The following MIIP variants were observed in gnomAD, a reference collection of about 807,000 sequenced individuals.
MIIP encodes migration and invasion inhibitory protein.
Under a neutral mutation model 44.8 loss-of-function variants are expected in MIIP, and 44 were observed. The ratio of observed to expected loss-of-function variants is 0.98; its 90% CI spans 0.77 to 1.26. MIIP has a LOEUF of 1.26. Ranked by LOEUF, MIIP falls within the 50% of genes most tolerant of loss-of-function variation. The probability of loss-of-function intolerance (pLI) is 0.00; values close to 1 mark genes in which losing one functional copy is unlikely to be tolerated. For missense variants in MIIP, 496 were observed against 511.7 expected, an observed-to-expected ratio of 0.97 and a Z score of 0.30; for synonymous variants, 225 against 218.3, an observed-to-expected ratio of 1.03 and a Z score of -0.27.
intron 4 of MIIP, among the ~76,000 whole-genome samples, chr1:12,026,737 A>G (rs543821354): frequency 1.3e-5 from 2 of 152,314 alleles, no homozygotes; most frequent in South Asian, 2.1e-4. Context: ...TTTGCCCTTC[A>G]TGATAAGCTT....
chr1:12,028,704 T>G (rs1640156458), intron 4 of MIIP: 1 of 237,800 alleles, frequency 4.2e-6, no homozygotes, highest in African/African-American at 2.2e-5. Flanking sequence ...CTAGTTCATC[T>G]CTTGCCACCT....
rs894936562 is a variant in MIIP, at chr1:12,029,640, T to C, written c.716-125T>C. ...TGGGAGGAAAGGGGTTAGGAGGAAA[T>C]GGGCCGAAGGGCTTCCCAGAGGGAT... On this transcript the variant is annotated intron_variant, in intron 6 of 9. Transcript: ENST00000235332. 2.9e-6 allele frequency: 4 copies of C among 1,359,394 alleles called. No individual in the cohort carries two copies. In the African/African-American group the frequency reaches 5.8e-5, roughly 20 times the overall value. 84.2% of individuals were successfully genotyped at this position (1,359,394 alleles called of 1,614,324 possible).
chr1:12,022,244 C>G lies in MIIP; in HGVS notation c.264C>G (p.Ala88=). 6.2e-7 allele frequency: 1 copy of G among 1,613,266 alleles called. No homozygotes were observed. Among genetic ancestry groups the G allele is most frequent in the Non-Finnish European group, 8.5e-7 (1 of 1,179,664 alleles). The part of the protein sequence containing the change: ...DACRGDLRDV[A]RSGVASLPPA... The stretch of plus-strand genomic sequence containing the variant: ...GTCGAGGGGACCTCCGTGATGTGGC[C>G]AGATCGGGGGTGGCCTCTCTCCCAC... Residue 88 remains alanine (A), a synonymous_variant, in exon 3 of 10, where the codon GCC becomes GCG. Coordinates refer to ENST00000235332, the MANE Select transcript of MIIP (RefSeq NM_021933.4).
chr1:12,029,238 C>A lies in MIIP; in HGVS notation c.672C>A (p.Gly224=). ...ICSHPEPQLP[G]LRESSGSGVE... ...GCCCTCTCAGACCCCAGTTGCCAGG[C>A]CTGCGTGAGAGCAGTGGCAGCGGCG... The change falls in exon 6 of 10, where the codon GGC becomes GGA. Residue 224 remains glycine (G), a synonymous_variant. Coordinates refer to ENST00000235332, the MANE Select transcript of MIIP (RefSeq NM_021933.4). The A allele has an allele frequency of 6.2e-7, 1 of 1,613,676 alleles. No individual in the cohort carries two copies. The highest frequency in any genetic ancestry group is 2.2e-5 in the East Asian group (1 of 44,878).
At chr1:12,022,488 G>A (rs371874129) in intron 3 of MIIP, 46 bp downstream of exon 3, 8 of 1,420,738 alleles carry the variant, frequency 5.6e-6, no homozygotes, top group Non-Finnish European at 7.5e-6. Context: ...GAGCTTCCTT[G>A]GGCCTCAGTT....
chr1:12,024,421 C>G (rs1640057226), intron 4 of MIIP, among the ~76,000 whole-genome samples: 1 of 152,028 alleles, frequency 6.6e-6, no homozygotes, highest in Non-Finnish European at 1.5e-5. Context: ...ACCACTTTAG[C>G]ATTTTTTTTG....
At chr1:12,023,564 T>C (rs1640036845) in intron 4 of MIIP, among the ~76,000 whole-genome samples, 1 of 151,298 alleles carries the variant, frequency 6.6e-6, no homozygotes, top group African/African-American at 2.4e-5. Context: ...CCACCACGCC[T>C]GGCTAATTTG....
rs752543971 is a variant in MIIP at position 12,030,137 on chromosome 1, G to A, written c.942+13G>A. 2.4e-5 allele frequency: 38 copies of A among 1,610,682 alleles called. No homozygotes were observed. Among genetic ancestry groups the A allele is most frequent in the South Asian group, 5.5e-5 (5 of 91,012 alleles). ...GGCCCTGCCCCGGGTGAGCAGCCACGTGGGGCTGGATGGTGATGAGGGCGG... is the reference window on the plus strand; with the variant it reads ...GGCCCTGCCCCGGGTGAGCAGCCACATGGGGCTGGATGGTGATGAGGGCGG... On this transcript the variant is annotated intron_variant, in intron 8 of 9. Transcript: ENST00000235332.
rs988983263 is a variant in MIIP, at chr1:12,031,605, C to T, written c.1081-117C>T. The T allele has an allele frequency of 1.9e-6, 3 of 1,611,306 alleles. No homozygotes were observed. In the African/African-American group the frequency reaches 4.0e-5, roughly 22 times the overall value. On this transcript the variant is annotated intron_variant, in intron 9 of 9. Coordinates refer to ENST00000235332, the MANE Select transcript of MIIP (RefSeq NM_021933.4). ...ACTCCTCTGCTCCCTGCCGCCTGCC[C>T]TGCTCCACCCAGGAAGGCCACCCTG...
rs2295291 is a variant in MIIP at position 12,031,696 on chromosome 1, C to A, written c.1081-26C>A. 3.7e-6 allele frequency: 6 copies of A among 1,614,036 alleles called. No individual in the cohort carries two copies. In the South Asian group the frequency reaches 6.6e-5, roughly 18 times the overall value. On this transcript the variant is annotated intron_variant, in intron 9 of 9. Transcript: ENST00000235332. ...GACCTGTCCCTTTCAAGTGGCCCCC[C>A]TGAGACTTCCCTATTCCCCATCCAG...
chr1:12,021,402 AAAAC>A (rs1282696297), intron 1 of MIIP, among the ~76,000 whole-genome samples: 2 of 152,088 alleles, frequency 1.3e-5, no homozygotes, highest in Non-Finnish European at 2.9e-5. Flanking sequence ...TCAAAAAAAA[AAAAC>A]AAAAAAACAA....
In MIIP at chr1:12,022,249, C is replaced by T. The variant is rs373782768; in HGVS notation, c.269C>T (p.Ser90Leu). ...GGGGACCTCCGTGATGTGGCCAGATCGGGGGTGGCCTCTCTCCCACCTGCC... is the reference window on the plus strand; with the variant it reads ...GGGGACCTCCGTGATGTGGCCAGATTGGGGGTGGCCTCTCTCCCACCTGCC... ...CRGDLRDVAR[S>L]GVASLPPAKC... is the part of the protein sequence containing the mutation. Residue 90 changes from serine to leucine, a missense_variant, in exon 3 of 10, where the codon TCG (serine) becomes TTG (leucine). Physicochemically the swap from Ser to Leu is moderately radical, Grantham distance 145. Coordinates refer to ENST00000235332, the MANE Select transcript of MIIP (RefSeq NM_021933.4). 126 of 1,613,086 alleles carry T rather than the reference C, an allele frequency of 7.8e-5. 1 individual carries two copies. Among genetic ancestry groups the T allele is most frequent in the East Asian group, 3.8e-4 (17 of 44,890 alleles).
intron 6 of MIIP, 52 bp from the exon 7 acceptor site, chr1:12,029,713 G>T: frequency 6.3e-7 from 1 of 1,585,702 alleles, no homozygotes; most frequent in Admixed American, 1.7e-5. Context: ...CGGAGCCTGG[G>T]GACCTGGGTT....
At chr1:12,025,040 G>GTTTTT (rs1640074638) in intron 4 of MIIP, among the ~76,000 whole-genome samples, 3 of 138,842 alleles carry the variant, frequency 2.2e-5, no homozygotes, top group Non-Finnish European at 3.0e-5. Flanking sequence ...TTTTTTTTTT[G>GTTTTT]TTTTTTGTTT....
Position 12,021,809 on chromosome 1 carries a change from T to C in MIIP, c.83T>C (p.Val28Ala), listed in dbSNP as rs1456751460. ...CAGCTGTGGGTGGGGCAGGATGCTG[T>C]GCGGCGGTCAGTGGCCAGGGCAGCC... ...LRQLWVGQDA[V>A]RRSVARAASE... Residue 28 changes from valine (V) to alanine (A), a missense_variant, in exon 2 of 10, where the codon GTG becomes GCG. By Grantham distance (64) the Val-to-Ala change is moderately conservative (BLOSUM62 0). Transcript: ENST00000235332. The C allele has an allele frequency of 6.2e-7, 1 of 1,611,744 alleles. No individual in the cohort carries two copies. Among genetic ancestry groups the C allele is most frequent in the African/African-American group, 1.3e-5 (1 of 74,904 alleles).
intron 4 of MIIP, among the ~76,000 whole-genome samples, chr1:12,027,053 T>C (rs952696718): frequency 1.4e-5 from 2 of 148,006 alleles, no homozygotes; most frequent in Non-Finnish European, 1.5e-5. Flanking sequence ...TCACCCAGGC[T>C]GGAGTGCAGT....
chr1:12,031,037 T>C, intron 8 of MIIP: 1 of 549,506 alleles, frequency 1.8e-6, no homozygotes, highest in Non-Finnish European at 3.3e-6. Context: ...TGAATGTCAC[T>C]GTCACCGTCC....
chr1:12,024,804 C>T (rs1217455777), intron 4 of MIIP, among the ~76,000 whole-genome samples: 1 of 152,160 alleles, frequency 6.6e-6, no homozygotes, highest in Non-Finnish European at 1.5e-5. Flanking sequence ...AGAACTTTTT[C>T]ATCTTCCCAA....
At position 12,022,156 on chromosome 1, in the gene MIIP, CA is replaced by C; in HGVS notation, c.178del (p.Thr60LeufsTer3). 6.2e-7 allele frequency: 1 copy of C among 1,614,062 alleles called. No individual in the cohort carries two copies. The highest frequency in any genetic ancestry group is 8.5e-7 in the Non-Finnish European group (1 of 1,179,994). On this transcript the variant is annotated frameshift_variant, in exon 3 of 10. Coordinates refer to ENST00000235332, the MANE Select transcript of MIIP (RefSeq NM_021933.4). LOFTEE classifies it high-confidence loss of function. ...SETPSTPETS[S>X]TSLSTSCPRG... is the part of the protein sequence containing the mutation. ...ACTCCATCGACCCCAGAGACGTCCT[CA>C]ACTTCCTTGAGCACCTCCTGCCCAC...
Sources: allele counts gnomAD v4.1 joint callset (sites outside exome capture counted in the v4.1 genomes callset), GRCh38; gene constraint gnomAD v4.1.1; transcripts MANE v1.5; gene names NCBI Gene and HGNC (gene_info 2026-07-23, HGNC 2026-07-21).